The following PLCB4 variants were observed in gnomAD, a reference collection of about 807,000 sequenced individuals.
The protein encoded by PLCB4 is 1-phosphatidylinositol 4,5-bisphosphate phosphodiesterase beta-4.
Under a neutral mutation model 178.8 loss-of-function variants are expected in PLCB4, and 77 were observed. The observed-to-expected ratio is 0.43, with a 90% CI of 0.36 to 0.52. The LOEUF is 0.52. Among genes scored for constraint, PLCB4 ranks in the 20% least tolerant of loss-of-function variants. The pLI, the probability that PLCB4 is intolerant of heterozygous loss-of-function variation, is 0.00. For synonymous variants in PLCB4, 496 were observed against 490.8 expected, an observed-to-expected ratio of 1.01 and a Z score of -0.14; for missense variants, 1,024 against 1,453.4, an observed-to-expected ratio of 0.70 and a Z score of 4.80.
chr20:9,337,951 G>T, intron 5 of PLCB4, 57 bp from the exon 6 acceptor site: 1 of 1,391,986 alleles, frequency 7.2e-7, no homozygotes, highest in South Asian at 1.2e-5. Flanking sequence ...CAGTTTGCCT[G>T]TATCATAGGT....
intron 28 of PLCB4, among the ~76,000 whole-genome samples, chr20:9,432,066 A>G (rs1357695305): frequency 2.0e-5 from 3 of 152,222 alleles, no homozygotes; most frequent in South Asian, 2.1e-4. Context: ...ATAGTTTGAT[A>G]TAGAAAATCA....
chr20:9,140,119 C>T (rs1361918926), intron 2 of PLCB4, among the ~76,000 whole-genome samples: 5 of 151,998 alleles, frequency 3.3e-5, no homozygotes, highest in African/African-American at 7.2e-5. Context: ...GTCTAATATG[C>T]GTCTTTCCTT....
intron 9 of PLCB4, among the ~76,000 whole-genome samples, chr20:9,368,470 A>G (rs1453606595): frequency 6.6e-6 from 1 of 152,182 alleles, no homozygotes; most frequent in Non-Finnish European, 1.5e-5. Flanking sequence ...GAGTAGCCAG[A>G]CAGTAGTTGT....
intron 2 of PLCB4, among the ~76,000 whole-genome samples, chr20:9,144,831 G>A (rs1159689875): frequency 6.6e-6 from 1 of 151,898 alleles, no homozygotes; most frequent in African/African-American, 2.4e-5. Flanking sequence ...TTAAGTCCCA[G>A]AGAACAAGGC....
At chr20:9,457,354 A>T in intron 33 of PLCB4, 60 bp from the exon 34 acceptor site, 1 of 820,206 alleles carries the variant, frequency 1.2e-6, no homozygotes, top group South Asian at 1.3e-5. Context: ...TGTAGCAAAG[A>T]CCCATGGGAA....
chr20:9,080,333 T>C (rs1432174122), intron 1 of PLCB4, among the ~76,000 whole-genome samples: 1 of 152,222 alleles, frequency 6.6e-6, no homozygotes, highest in Non-Finnish European at 1.5e-5. Context: ...AAAATAATAC[T>C]GCTATAAGGT....
Position 9,401,502 on chromosome 20 carries a change from A to C in PLCB4, c.1523A>C (p.Glu508Ala). ...GTCTTTCACACAGCTGACCAAGAGGAGGAAGCTCACCCCGAATTCAAATTT... is the reference window on the plus strand; with the variant it reads ...GTCTTTCACACAGCTGACCAAGAGGCGGAAGCTCACCCCGAATTCAAATTT... ...EEEIESADQE[E>A]EAHPEFKFGN... The change falls in exon 20 of 40, where the codon GAG (glutamate) becomes GCG (alanine). Residue 508 changes from glutamate to alanine, a missense_variant. Physicochemically the swap from Glu to Ala is moderately radical, Grantham distance 107 (BLOSUM62 -1). Coordinates refer to ENST00000378473, the MANE Select transcript of PLCB4 (RefSeq NM_001377142.1). 1 of 1,613,024 alleles carries C rather than the reference A, an allele frequency of 6.2e-7. No homozygotes were observed. Among genetic ancestry groups the C allele is most frequent in the Non-Finnish European group, 8.5e-7 (1 of 1,179,122 alleles).
intron 3 of PLCB4, among the ~76,000 whole-genome samples, chr20:9,281,263 C>T (rs2094492667): frequency 6.6e-6 from 1 of 151,936 alleles, no homozygotes; most frequent in African/African-American, 2.4e-5. Flanking sequence ...AGGACCATCA[C>T]ATAAAGTCTC....
At chr20:9,211,450 A>T (rs2093671813) in intron 2 of PLCB4, among the ~76,000 whole-genome samples, 1 of 152,240 alleles carries the variant, frequency 6.6e-6, no homozygotes, top group Non-Finnish European at 1.5e-5. Context: ...GCCCTGCCTC[A>T]GACCTACAGT....
chr20:9,115,146 C>T (rs1008925253), intron 2 of PLCB4, among the ~76,000 whole-genome samples: 1 of 151,924 alleles, frequency 6.6e-6, no homozygotes, highest in Admixed American at 6.6e-5. Flanking sequence ...ATAAGTAAAC[C>T]TTATTCTAAG....
chr20:9,241,721 G>A (rs2094065047), intron 3 of PLCB4, among the ~76,000 whole-genome samples: 1 of 152,186 alleles, frequency 6.6e-6, no homozygotes. Flanking sequence ...CCTTGACAAA[G>A]TCAGTAGAAT....
chr20:9,342,080 G>T (rs898891421), intron 7 of PLCB4, among the ~76,000 whole-genome samples: 13 of 152,106 alleles, frequency 8.5e-5, no homozygotes, highest in African/African-American at 3.1e-4. Context: ...ATACCTGCAT[G>T]TGGATACTCT....
chr20:9,472,190 G>C (rs2044236162), intron 36 of PLCB4, among the ~76,000 whole-genome samples: 1 of 152,146 alleles, frequency 6.6e-6, no homozygotes, highest in Non-Finnish European at 1.5e-5. Flanking sequence ...GGTACATTTA[G>C]AAAACACAGG....
intron 1 of PLCB4, among the ~76,000 whole-genome samples, chr20:9,071,208 C>A (rs1191792577): frequency 6.6e-6 from 1 of 152,216 alleles, no homozygotes; most frequent in Non-Finnish European, 1.5e-5. Context: ...ATTTCAACCA[C>A]AGCAGAGTCC....
intron 33 of PLCB4, 48 bp from the exon 34 acceptor site, chr20:9,457,366 G>A: frequency 1.1e-6 from 1 of 881,536 alleles, no homozygotes; most frequent in Non-Finnish European, 2.0e-6. Flanking sequence ...CCATGGGAAT[G>A]GGAAAATATC....
intron 4 of PLCB4, among the ~76,000 whole-genome samples, chr20:9,326,846 G>A: frequency 6.6e-6 from 1 of 151,946 alleles, no homozygotes. Context: ...ACGAACTCTG[G>A]GTTTCCCTTA....
chr20:9,087,814 T>G (rs1600305557), intron 1 of PLCB4, among the ~76,000 whole-genome samples: 1 of 152,234 alleles, frequency 6.6e-6, no homozygotes, highest in Non-Finnish European at 1.5e-5. Context: ...ATCATGCCAT[T>G]ATTTGCTTTG....
intron 2 of PLCB4, among the ~76,000 whole-genome samples, chr20:9,174,413 G>A (rs1345351207): frequency 6.6e-6 from 1 of 150,972 alleles, no homozygotes; most frequent in Non-Finnish European, 1.5e-5. Flanking sequence ...CCAAAGTGCT[G>A]GGATTACAGG....
chr20:9,475,150 T>C (rs989395950), intron 38 of PLCB4, among the ~76,000 whole-genome samples: 4 of 152,186 alleles, frequency 2.6e-5, no homozygotes, highest in African/African-American at 4.8e-5. Flanking sequence ...TAAGGCACAG[T>C]TATGTGTTAG....
Sources: allele counts gnomAD v4.1 joint callset (sites outside exome capture counted in the v4.1 genomes callset), GRCh38; gene constraint gnomAD v4.1.1; transcripts MANE v1.5; gene names NCBI Gene and HGNC (gene_info 2026-07-23, HGNC 2026-07-21).